Variants in IRAK1BP1 observed in about 807,000 individuals in gnomAD.
The protein encoded by IRAK1BP1 is interleukin 1 receptor associated kinase 1 binding protein 1.
Under a neutral mutation model 28.0 loss-of-function variants are expected in IRAK1BP1, and 24 were observed. The observed-to-expected ratio is 0.86, with a 90% CI of 0.62 to 1.20. The LOEUF (loss-of-function observed/expected upper bound fraction) is 1.20, where lower values mean the gene tolerates loss of function less well. IRAK1BP1 is among the 50% of genes most tolerant of loss of function. The pLI, the probability that IRAK1BP1 is intolerant of heterozygous loss-of-function variation, is 0.00. For synonymous variants in IRAK1BP1, 131 were observed against 116.3 expected, an observed-to-expected ratio of 1.13 and a Z score of -0.81; for missense variants, 336 against 316.7, an observed-to-expected ratio of 1.06 and a Z score of -0.46.
the IRAK1BP1 span, chr6:78,955,232 CT>C: frequency 1.2e-6 from 2 of 1,600,992 alleles, no homozygotes; most frequent in Non-Finnish European, 1.7e-6. Context: ...ACTATATTAC[CT>C]TCCTTTTTCG....
the IRAK1BP1 span, among the ~76,000 whole-genome samples, chr6:78,975,660 A>C: frequency 6.6e-6 from 1 of 152,220 alleles, no homozygotes; most frequent in South Asian, 2.1e-4. Flanking sequence ...TAAGCTGATA[A>C]GCAACTTCAG....
intron 1 of IRAK1BP1, among the ~76,000 whole-genome samples, chr6:78,881,853 CAGAG>C (rs1342010121): frequency 6.6e-6 from 1 of 151,958 alleles, no homozygotes; most frequent in African/African-American, 2.4e-5. Context: ...TTCTCACTAT[CAGAG>C]AGGGAAGTTA....
At chr6:78,895,815 A>G (rs904678909) in intron 2 of IRAK1BP1, among the ~76,000 whole-genome samples, 2 of 152,180 alleles carry the variant, frequency 1.3e-5, no homozygotes, top group African/African-American at 2.4e-5. Context: ...CTTTGTGCCT[A>G]CGATCAGGTA....
chr6:78,882,570 C>G (rs1469696139), intron 1 of IRAK1BP1, among the ~76,000 whole-genome samples: 2 of 152,126 alleles, frequency 1.3e-5, no homozygotes, highest in Non-Finnish European at 2.9e-5. Flanking sequence ...AAATTTATAA[C>G]TCTAGTCTAA....
the IRAK1BP1 span, among the ~76,000 whole-genome samples, chr6:78,953,298 T>C: frequency 6.6e-6 from 1 of 152,212 alleles, no homozygotes. Context: ...TCCAAATTCC[T>C]TTTTCACCAC....
At chr6:78,882,674 A>G (rs1771271403) in intron 1 of IRAK1BP1, among the ~76,000 whole-genome samples, 5 of 152,206 alleles carry the variant, frequency 3.3e-5, no homozygotes, top group Admixed American at 2.0e-4. Context: ...AGACTGAGAA[A>G]CTATCAAGAG....
chr6:78,978,740 G>A, the IRAK1BP1 span: 2 of 1,548,472 alleles, frequency 1.3e-6, no homozygotes, highest in East Asian at 2.3e-5. Flanking sequence ...TAATTGTTAA[G>A]TAATAATCAA....
At chr6:78,923,372 A>T (rs533457013) in intron 4 of IRAK1BP1, among the ~76,000 whole-genome samples, 3 of 152,264 alleles carry the variant, frequency 2.0e-5, no homozygotes, top group African/African-American at 4.8e-5. Context: ...GAGCTAACTC[A>T]CCTAAATATA....
exon 5 of IRAK1BP1, chr6:78,946,272 A>G: frequency 6.2e-7 from 1 of 1,608,510 alleles, no homozygotes; most frequent in Non-Finnish European, 8.5e-7. Flanking sequence ...TGTAAATAAA[A>G]TAGTATTGTC....
intron 4 of IRAK1BP1, chr6:78,935,619 A>AT (rs1423924055): frequency 2.0e-6 from 2 of 981,364 alleles, no homozygotes; most frequent in Non-Finnish European, 2.4e-6. Flanking sequence ...AAAAAGGCAT[A>AT]TAAGTTTTTG....
chr6:78,940,813 G>A (rs1348207831), intron 4 of IRAK1BP1: 15 of 1,613,808 alleles, frequency 9.3e-6, no homozygotes, highest in Non-Finnish European at 1.3e-5. Flanking sequence ...CCTCTTCAGA[G>A]TCATCCTCAT....
chr6:78,914,490 A>C (rs1048787408), intron 4 of IRAK1BP1, among the ~76,000 whole-genome samples: 10 of 152,220 alleles, frequency 6.6e-5, no homozygotes, highest in Non-Finnish European at 1.3e-4. Flanking sequence ...CAAGATGCAA[A>C]GCATTACGCA....
intron 4 of IRAK1BP1, among the ~76,000 whole-genome samples, chr6:78,915,855 C>A (rs1772546954): frequency 6.6e-6 from 1 of 152,114 alleles, no homozygotes; most frequent in South Asian, 2.1e-4. Flanking sequence ...TGGACAAACC[C>A]ATATGTCCAG....
chr6:78,914,220 T>G (rs1300184204), intron 4 of IRAK1BP1, among the ~76,000 whole-genome samples: 2 of 151,250 alleles, frequency 1.3e-5, no homozygotes, highest in Non-Finnish European at 2.9e-5. Flanking sequence ...AAAAGAGTGT[T>G]TGTTAACTTG....
chr6:78,944,799 T>C (rs1773709747), intron 4 of IRAK1BP1, among the ~76,000 whole-genome samples: 1 of 152,220 alleles, frequency 6.6e-6, no homozygotes, highest in Non-Finnish European at 1.5e-5. Context: ...TATTTTAACA[T>C]GTCACATGGC....
chr6:78,869,824 CTGAGCCGGGCGTGGTGGCT>C (rs1770726751), intron 1 of IRAK1BP1, among the ~76,000 whole-genome samples: 1 of 151,808 alleles, frequency 6.6e-6, no homozygotes, highest in Non-Finnish European at 1.5e-5. Flanking sequence ...AAGATGGAGC[CTGAGCCGGGCGTGGTGGCT>C]CACGCCTGTA....
downstream of IRAK1BP1, among the ~76,000 whole-genome samples, chr6:78,906,506 T>A (rs1193616824): frequency 6.6e-6 from 1 of 152,222 alleles, no homozygotes; most frequent in African/African-American, 2.4e-5. Context: ...AGAGTTCGTG[T>A]TTATCTTAAA....
the IRAK1BP1 span, among the ~76,000 whole-genome samples, chr6:78,979,210 T>C: frequency 6.6e-6 from 1 of 152,004 alleles, no homozygotes; most frequent in Non-Finnish European, 1.5e-5. Context: ...CTAGAAAAAA[T>C]GGCAGCAGTG....
chr6:78,926,419 G>C (rs1351793596), intron 4 of IRAK1BP1, among the ~76,000 whole-genome samples: 1 of 151,854 alleles, frequency 6.6e-6, no homozygotes, highest in Non-Finnish European at 1.5e-5. Context: ...AATTTTTCTG[G>C]GTACGTGGTA....
Sources: allele counts gnomAD v4.1 joint callset (sites outside exome capture counted in the v4.1 genomes callset), GRCh38; gene constraint gnomAD v4.1.1; transcripts MANE v1.5; gene names NCBI Gene and HGNC (gene_info 2026-07-23, HGNC 2026-07-21).